Variants in PRAMEF14 observed in about 807,000 individuals in gnomAD.
PRAMEF14 encodes PRAME family member 14.
Under a neutral mutation model 38.3 loss-of-function variants are expected in PRAMEF14, and 24 were observed. That is an observed-to-expected ratio of 0.63 (90% confidence interval 0.45 to 0.88). PRAMEF14 has a LOEUF of 0.88. PRAMEF14 is among the 40% of genes least tolerant of loss of function. PRAMEF14 has a pLI of 0.00. For missense variants in PRAMEF14, 477 were observed against 570.8 expected, an observed-to-expected ratio of 0.84 and a Z score of 1.67; for synonymous variants, 194 against 226.4, an observed-to-expected ratio of 0.86 and a Z score of 1.29.
intron 1 of PRAMEF14, among the ~76,000 whole-genome samples, chr1:13,346,484 G>T (rs1640406409): frequency 6.7e-6 from 1 of 150,358 alleles, no homozygotes; most frequent in Non-Finnish European, 1.5e-5. Flanking sequence ...TGCAGCCTGG[G>T]CAACAATAGG....
rs1553186807 is a variant in PRAMEF14, at chr1:13,342,562, G to A, written c.1391C>T (p.Pro464Leu). The change falls in exon 4 of 4, where the codon CCG becomes CTG. Residue 464 changes from proline (P) to leucine (L), a missense_variant. Around this residue, in one of 4 missense-constraint regions of PRAMEF14, gnomAD observed 151 missense variants for 137.4 expected, o/e 1.10. Transcript: ENST00000334600. ...PTPCPSCGSS[P>L]SEELELHLCC The stretch of plus-strand genomic sequence containing the variant: ...AAGATGGAGCTCCAGTTCCTCAGAC[G>A]GTGATGAGCCACAGGAAGGGCAGGG... 1.7e-4 allele frequency: 274 copies of A among 1,604,632 alleles called. 18 individuals are homozygous for A. Among genetic ancestry groups the A allele is most frequent in the African/African-American group, 3.7e-4 (28 of 74,784 alleles).
At chr1:13,345,885 G>T (rs1363759873) in intron 1 of PRAMEF14, among the ~76,000 whole-genome samples, 1 of 151,812 alleles carries the variant, frequency 6.6e-6, no homozygotes, top group African/African-American at 2.4e-5. Flanking sequence ...GAAGGCAGAG[G>T]TTGCAGTGAG....
At position 13,344,326 on chromosome 1, in the gene PRAMEF14, T is replaced by C; in HGVS notation, c.578A>G (p.Lys193Arg). 3.1e-6 allele frequency: 5 copies of C among 1,607,614 alleles called. 2 individuals carry two copies. In the East Asian group the frequency reaches 7.1e-5, roughly 23 times the overall value. ...SKLVNYLTPIKHLRKSLKIIY... is the reference protein window; with the variant it reads ...SKLVNYLTPIRHLRKSLKIIY... ...TATTTTCAATGACTTTCTGAGATGT[T>C]TAATCGGCGTTAGATAATTGACCAG... The change falls in exon 3 of 4, where the codon AAA (lysine) becomes AGA (arginine). Residue 193 changes from lysine (K) to arginine (R), a missense_variant. By Grantham distance (26) the Lys-to-Arg change is conservative. Transcript: ENST00000334600.
chr1:13,343,508 C>T, intron 3 of PRAMEF14: 8 of 1,225,098 alleles, frequency 6.5e-6, no homozygotes, highest in Admixed American at 2.3e-5. Context: ...TTACCACTCT[C>T]ACGCCTACTC....
rs1212210591 is a variant in PRAMEF14 at position 13,344,270 on chromosome 1, T to A, written c.634A>T (p.Ile212Phe). 14 of 1,605,970 alleles carry A rather than the reference T, an allele frequency of 8.7e-6. 1 individual carries two copies. The highest frequency in any genetic ancestry group is 1.7e-5 in the Admixed American group (1 of 59,818). ...IYLNSIQQLE[I>F]RNMSWPRLIR... is the part of the protein sequence containing the mutation. ...AGACGTGGCCAGGACATGTTGCGAA[T>A]TTCCAGCTGTTGAATACTATTCAGG... Residue 212 changes from isoleucine (I) to phenylalanine (F), a missense_variant, in exon 3 of 4, where the codon ATT becomes TTT. Ile to Phe is a conservative substitution (Grantham distance 21, BLOSUM62 0). Around this residue, in one of 4 missense-constraint regions of PRAMEF14, gnomAD observed 234 missense variants for 247.4 expected, o/e 0.95. Transcript: ENST00000334600.
chr1:13,342,452 C>A lies in PRAMEF14; in HGVS notation c.*76G>T, dbSNP rs1342194753. 1.3e-5 allele frequency: 20 copies of A among 1,568,334 alleles called. No homozygotes were observed. The highest frequency in any genetic ancestry group is 1.9e-5 in the Admixed American group (1 of 53,074). ...TAAGAAAAGAGAAAAATAGTTTGCA[C>A]CTACATAGTAGATTTTAGTGTCCCA... On this transcript the variant is annotated 3_prime_UTR_variant, in exon 4 of 4. Transcript: ENST00000334600.
chr1:13,343,039 A>G lies in PRAMEF14; in HGVS notation c.914T>C (p.Leu305Pro). 1.2e-6 allele frequency: 2 copies of G among 1,612,220 alleles called. No homozygotes were observed. Among genetic ancestry groups the G allele is most frequent in the South Asian group, 1.1e-5 (1 of 90,922 alleles). The change falls in exon 4 of 4, where the codon CTA (leucine) becomes CCA (proline). Residue 305 changes from leucine to proline, a missense_variant. Leu to Pro is a moderately conservative substitution (Grantham distance 98). Coordinates refer to ENST00000334600, the MANE Select transcript of PRAMEF14 (RefSeq NM_001024661.2). Reference protein sequence around the residue: ...LENLELTYGYLLEEDMKCLSQ... With the variant: ...LENLELTYGYPLEEDMKCLSQ... ...GAGACACTTCATGTCTTCTTCCAAT[A>G]GGTAGCCATAAGTTAATTCCAAGTT...
chr1:13,346,517 A>T (rs1640406912), intron 1 of PRAMEF14, among the ~76,000 whole-genome samples: 1 of 149,908 alleles, frequency 6.7e-6, no homozygotes, highest in South Asian at 2.2e-4. Context: ...CAAAAACTGT[A>T]AAAGTGCTAC....
chr1:13,343,601 T>C, intron 3 of PRAMEF14: 1 of 1,314,364 alleles, frequency 7.6e-7, no homozygotes, highest in Non-Finnish European at 1.0e-6. Flanking sequence ...AAACAGGGAA[T>C]CAGAGACAGG....
intron 1 of PRAMEF14, among the ~76,000 whole-genome samples, chr1:13,345,855 T>A (rs1396442213): frequency 3.4e-3 from 492 of 146,708 alleles, no homozygotes; most frequent in East Asian, 7.1e-3. Flanking sequence ...TACAAAAAAA[T>A]TAAGAATCAT....
chr1:13,344,254 C>A lies in PRAMEF14; in HGVS notation c.650G>T (p.Trp217Leu), dbSNP rs1356869636. The change falls in exon 3 of 4, where the codon TGG becomes TTG. Residue 217 changes from tryptophan to leucine, a missense_variant. Physicochemically the swap from Trp to Leu is moderately conservative, Grantham distance 61. Transcript: ENST00000334600. ...ACGAAGCTTTCTTATCAGACGTGGC[C>A]AGGACATGTTGCGAATTTCCAGCTG... ...IQQLEIRNMS[W>L]PRLIRKLRCY... The A allele has an allele frequency of 1.9e-6, 3 of 1,606,624 alleles. No homozygotes were observed. In the African/African-American group the frequency reaches 4.0e-5, roughly 22 times the overall value.
At position 13,344,091 on chromosome 1, in the gene PRAMEF14, C is replaced by G. The variant is rs1640367860; in HGVS notation, c.813G>C (p.Leu271Phe). 4.0e-5 allele frequency: 64 copies of G among 1,608,526 alleles called. 2 individuals are homozygous for G. In the South Asian group the frequency reaches 6.9e-4, roughly 17 times the overall value. The part of the protein sequence containing the change: ...SVFLRLEHLQ[L>F]LKIKLITFFS... ...AGAAGGTGATCAATTTTATTTTAAG[C>G]AACTGGAGGTGTTCCAGCCTGAGGA... is the stretch of plus-strand genomic sequence containing the variant. Residue 271 changes from leucine (L) to phenylalanine (F), a missense_variant, in exon 3 of 4, where the codon TTG becomes TTC. Leu to Phe is a conservative substitution (Grantham distance 22, BLOSUM62 0). Transcript: ENST00000334600.
intron 1 of PRAMEF14, among the ~76,000 whole-genome samples, chr1:13,346,039 G>A (rs1310804969): frequency 3.3e-5 from 5 of 150,966 alleles, no homozygotes; most frequent in African/African-American, 1.2e-4. Context: ...GGAGGCAGAG[G>A]AAGGAGAATC....
At chr1:13,345,935 T>C (rs1254517385) in intron 1 of PRAMEF14, among the ~76,000 whole-genome samples, 1 of 151,148 alleles carries the variant, frequency 6.6e-6, no homozygotes, top group African/African-American at 2.4e-5. Context: ...GGTGACAGAG[T>C]TGGACTCCGA....
In PRAMEF14 at chr1:13,342,745, C is replaced by T. The variant is rs1204753901; in HGVS notation, c.1208G>A (p.Gly403Glu). 6.2e-7 allele frequency: 1 copy of T among 1,603,838 alleles called. No homozygotes were observed. The highest frequency in any genetic ancestry group is 8.5e-7 in the Non-Finnish European group (1 of 1,177,030). Reference protein sequence around the residue: ...ALKDLLCHTSGLSKLSLETYP... With the variant: ...ALKDLLCHTSELSKLSLETYP... Reference sequence around the variant, plus strand: ...CGTCTCCAGGCTTAACTTGCTCAGCCCACTGGTGTGGCACAACAGGTCCTT... The same window carrying T: ...CGTCTCCAGGCTTAACTTGCTCAGCTCACTGGTGTGGCACAACAGGTCCTT... Residue 403 changes from glycine (G) to glutamate (E), a missense_variant, in exon 4 of 4, where the codon GGG (glycine) becomes GAG (glutamate). This residue lies in a region of PRAMEF14 where 151 missense variants were observed against 137.4 expected (regional missense o/e 1.10). Coordinates refer to ENST00000334600, the MANE Select transcript of PRAMEF14 (RefSeq NM_001024661.2).
chr1:13,346,143 A>G (rs1429437439), intron 1 of PRAMEF14, among the ~76,000 whole-genome samples: 6 of 150,920 alleles, frequency 4.0e-5, no homozygotes, highest in Admixed American at 3.3e-4. Context: ...GCAGAAAAAA[A>G]ACAAAATAAT....
rs1640340515 is a variant in PRAMEF14, at chr1:13,342,458, T to C, written c.*70A>G. 2 of 1,586,952 alleles carry C rather than the reference T, an allele frequency of 1.3e-6. No homozygotes were observed. The highest frequency in any genetic ancestry group is 1.7e-6 in the Non-Finnish European group (2 of 1,167,074). ...AAGAGAAAAATAGTTTGCACCTACATAGTAGATTTTAGTGTCCCAGTGCCT... is the reference window on the plus strand; with the variant it reads ...AAGAGAAAAATAGTTTGCACCTACACAGTAGATTTTAGTGTCCCAGTGCCT... On this transcript the variant is annotated 3_prime_UTR_variant, in exon 4 of 4. Coordinates refer to ENST00000334600, the MANE Select transcript of PRAMEF14 (RefSeq NM_001024661.2).
intron 1 of PRAMEF14, among the ~76,000 whole-genome samples, chr1:13,346,542 G>A (rs1640407154): frequency 6.7e-6 from 1 of 149,500 alleles, no homozygotes; most frequent in Non-Finnish European, 1.5e-5. Context: ...CTATTCTAGA[G>A]CACTGTAACT....
rs1640350178 is a variant in PRAMEF14, at chr1:13,342,924, CAG to C, written c.1027_1028del (p.Leu343AlafsTer73). 1 of 1,607,854 alleles carries C rather than the reference CAG, an allele frequency of 6.2e-7. No homozygotes were observed. The highest frequency in any genetic ancestry group is 1.7e-5 in the Admixed American group (1 of 59,856). ...CGAGAGAGGCAGCAATTTTCTCTAG[CAG>C]AGCTCCGAGGGGTTCAAGACTGATG... Reference protein sequence around the residue: ...FRISLEPLGALLEKIAASLET... With the variant: ...FRISLEPLGAXLEKIAASLET... On this transcript the variant is annotated frameshift_variant, in exon 4 of 4. Transcript: ENST00000334600. LOFTEE classifies it high-confidence loss of function.
Sources: gnomAD v4.1 joint callset for allele counts (sites outside exome capture counted in the v4.1 genomes callset) on GRCh38, gnomAD v4.1.1 for gene constraint, gnomAD v4.1.1 regional missense constraint, MANE v1.5 for transcripts, NCBI Gene and HGNC (gene_info 2026-07-23, HGNC 2026-07-21) for gene names.